Variants in AP2A2 observed in about 807,000 individuals in gnomAD.
AP2A2 encodes adaptor related protein complex 2 subunit alpha 2.
A neutral mutation model predicts 104.2 loss-of-function variants in AP2A2; 32 were observed. The ratio of observed to expected loss-of-function variants is 0.31; its 90% CI spans 0.23 to 0.41. The LOEUF (loss-of-function observed/expected upper bound fraction) is 0.41, where lower values mean the gene tolerates loss of function less well. AP2A2 is among the 10% of genes least tolerant of loss of function. AP2A2 has a pLI of 1.00. For missense variants in AP2A2, 912 were observed against 1,261.0 expected (o/e 0.72, Z 4.19); for synonymous variants, 539 against 533.3 (o/e 1.01, Z -0.15).
At chr11:983,594 A>C (rs747419243) in intron 6 of AP2A2, among the ~76,000 whole-genome samples, 2 of 151,726 alleles carry the variant, frequency 1.3e-5, no homozygotes, top group African/African-American at 4.8e-5. Context: ...TGTGTTAGCC[A>C]GGATGGTCTC....
At chr11:978,195 G>A (rs1221700242) in intron 5 of AP2A2, among the ~76,000 whole-genome samples, 1 of 152,126 alleles carries the variant, frequency 6.6e-6, no homozygotes, top group Non-Finnish European at 1.5e-5. Context: ...GGCAGGCCCC[G>A]GGCTCCTGCT....
At chr11:1,008,811 A>T in intron 18 of AP2A2, 1 of 463,324 alleles carries the variant, frequency 2.2e-6, no homozygotes, top group South Asian at 4.7e-5. Context: ...TAAAGAAAAA[A>T]CATCACACTA....
At chr11:1,007,694 T>A (rs1856256949) in intron 17 of AP2A2, 1 of 425,738 alleles carries the variant, frequency 2.3e-6, no homozygotes, top group Non-Finnish European at 4.2e-6. Flanking sequence ...TAAGCACCAG[T>A]TTCTGCTAAC....
At chr11:957,832 G>A (rs7942693) in intron 1 of AP2A2, among the ~76,000 whole-genome samples, 77,052 of 152,094 alleles carry the variant, frequency 0.51, 20,150 homozygotes, top group Middle Eastern at 0.66. Context: ...CGACTGCTTG[G>A]TCAGTAACAG....
chr11:967,702 G>A (rs1854668065), intron 2 of AP2A2, among the ~76,000 whole-genome samples: 1 of 152,098 alleles, frequency 6.6e-6, no homozygotes, highest in Non-Finnish European at 1.5e-5. Context: ...GTTGGGCTCA[G>A]AGAGGTTAAG....
intron 2 of AP2A2, among the ~76,000 whole-genome samples, chr11:960,804 C>T (rs931109174): frequency 3.9e-5 from 6 of 152,050 alleles, no homozygotes; most frequent in Admixed American, 2.6e-4. Context: ...AGGCGTGAGC[C>T]ACTGCACCCC....
In AP2A2 at chr11:1,003,741, G is replaced by T; in HGVS notation, c.2143G>T (p.Gly715Cys). ...NFARFVCKNN[G>C]VLFENQLLQI... The stretch of plus-strand genomic sequence containing the variant: ...CCCTAGGTTTGTTTGTAAAAACAAT[G>T]GTGTGTTGTTTGAAAACCAGCTGCT... The change falls in exon 16 of 22, where the codon GGT becomes TGT. Residue 715 changes from glycine to cysteine, a missense_variant. This residue lies in a region of AP2A2 where 239 missense variants were observed against 329.8 expected (regional missense o/e 0.72). Transcript: ENST00000448903. 1 of 1,608,252 alleles carries T rather than the reference G, an allele frequency of 6.2e-7. No individual in the cohort carries two copies. Among genetic ancestry groups the T allele is most frequent in the Non-Finnish European group, 8.5e-7 (1 of 1,177,308 alleles).
At chr11:961,381 T>C (rs1447960057) in intron 2 of AP2A2, among the ~76,000 whole-genome samples, 11 of 125,110 alleles carry the variant, frequency 8.8e-5, no homozygotes, top group Non-Finnish European at 1.6e-4. Context: ...CAGAAGCAGA[T>C]GGAGATGTGG....
At chr11:977,275 A>G in intron 5 of AP2A2, 51 bp downstream of exon 5, 1 of 1,537,176 alleles carries the variant, frequency 6.5e-7, no homozygotes, top group South Asian at 1.3e-5. Context: ...GACCTTTGGG[A>G]TGGCCGTTGT....
chr11:928,785 T>A (rs1853199820), intron 1 of AP2A2, among the ~76,000 whole-genome samples: 1 of 152,148 alleles, frequency 6.6e-6, no homozygotes, highest in Non-Finnish European at 1.5e-5. Context: ...ATACGGCCCC[T>A]TTCTCGGAAT....
intron 10 of AP2A2, among the ~76,000 whole-genome samples, chr11:989,642 A>C (rs189468113): frequency 3.6e-4 from 55 of 152,342 alleles, no homozygotes; most frequent in African/African-American, 1.3e-3. Flanking sequence ...CAGATAGCTG[A>C]AGCTCATCAA....
intron 2 of AP2A2, among the ~76,000 whole-genome samples, chr11:969,075 C>T (rs1454627248): frequency 4.6e-5 from 7 of 152,248 alleles, no homozygotes; most frequent in South Asian, 2.1e-4. Context: ...CGTTCCTTCA[C>T]GCTGTGGCAG....
At chr11:971,909 T>G (rs1854844285) in intron 3 of AP2A2, among the ~76,000 whole-genome samples, 153 bp from the exon 4 acceptor site, 1 of 152,154 alleles carries the variant, frequency 6.6e-6, no homozygotes, top group Non-Finnish European at 1.5e-5. Flanking sequence ...TGCCGAATCC[T>G]GAGAGGCGCC....
At chr11:941,397 A>C (rs1026436791) in intron 1 of AP2A2, among the ~76,000 whole-genome samples, 4 of 152,062 alleles carry the variant, frequency 2.6e-5, no homozygotes, top group African/African-American at 9.7e-5. Flanking sequence ...TATATTCTTG[A>C]TTTATCACTG....
intron 8 of AP2A2, 118 bp downstream of exon 8, chr11:985,700 C>A: frequency 7.1e-7 from 1 of 1,412,700 alleles, no homozygotes. Context: ...TCCCCTTCGT[C>A]CTGCCTCTGT....
At chr11:987,074 T>A (rs1229497790) in intron 9 of AP2A2, 121 bp downstream of exon 9, 2 of 1,213,926 alleles carry the variant, frequency 1.6e-6, no homozygotes, top group African/African-American at 3.0e-5. Context: ...GTGCTGGTGC[T>A]GCTGGCCTCC....
At position 992,150 on chromosome 11, in the gene AP2A2, C is replaced by A. The variant is rs988293829; in HGVS notation, c.1270-353C>A. Among the ~76,000 whole-genome samples the A allele has an allele frequency of 5.3e-5, 8 of 151,928 alleles. No homozygotes were observed. Among genetic ancestry groups the A allele is most frequent in the Admixed American group, 1.3e-4 (2 of 15,254 alleles). ...AGCCCAGGGTGGCGCAGTCAGAGGT[C>A]AGAGGAGTGCTGCCACCGGGAGCCT... is the stretch of plus-strand genomic sequence containing the variant. On this transcript the variant is annotated intron_variant, in intron 10 of 21. Transcript: ENST00000448903. This position sits in a 1 kb window ranked among gnomAD's most constrained non-coding sequence, Gnocchi z 6.4.
intron 4 of AP2A2, among the ~76,000 whole-genome samples, chr11:972,627 G>T (rs1266515588): frequency 6.6e-6 from 1 of 152,238 alleles, no homozygotes; most frequent in Non-Finnish European, 1.5e-5. Flanking sequence ...AGCCCAGGAA[G>T]TCAAGGCTGC....
At chr11:1,009,865 C>T (rs1363394997) in intron 21 of AP2A2, 48 bp downstream of exon 21, 11 of 1,521,852 alleles carry the variant, frequency 7.2e-6, no homozygotes, top group Non-Finnish European at 8.9e-6. Flanking sequence ...GCTTTTTATT[C>T]TGGCACAATG....
Sources: allele counts gnomAD v4.1 joint callset (sites outside exome capture counted in the v4.1 genomes callset), GRCh38; gene constraint gnomAD v4.1.1; regional missense constraint gnomAD v4.1.1; non-coding constraint Gnocchi (gnomAD v3.1); transcripts MANE v1.5; gene names NCBI Gene and HGNC (gene_info 2026-07-23, HGNC 2026-07-21).